Variants in HDAC9 observed in about 807,000 individuals in gnomAD.
HDAC9 encodes the protein MEF-2 interacting transcription repressor (MITR) protein.
HDAC9 carries 41 observed loss-of-function variants against 139.4 expected under a neutral mutation model. The observed-to-expected ratio is 0.29, with a 90% CI of 0.23 to 0.38. The LOEUF is 0.38. HDAC9 is among the 10% of genes least tolerant of loss of function. The pLI is 1.00. For missense variants in HDAC9, 1,147 were observed against 1,297.0 expected (o/e 0.88, Z 1.78); for synonymous variants, 517 against 476.2 (o/e 1.09, Z -1.12).
chr7:18,122,947 GT>G lies in HDAC9; in HGVS notation c.-97+35741del, dbSNP rs1375373109. Among the ~76,000 whole-genome samples the G allele has an allele frequency of 7.2e-5, 11 of 152,116 alleles. No individual in the cohort carries two copies. The East Asian group carries it at 1.7e-3, about 24-fold the overall frequency. On this transcript the variant is annotated intron_variant, in intron 1 of 12. Transcript: ENST00000417496. ...ATTACATACAAAGATTTCTGCTAGG[GT>G]TTTTTTCTTTATTTGAGGGCAAATA...
chr7:18,190,284 T>G (rs1333606907), intron 2 of HDAC9, among the ~76,000 whole-genome samples: 2 of 152,166 alleles, frequency 1.3e-5, no homozygotes, highest in African/African-American at 4.8e-5. Context: ...TGTCCAATTT[T>G]GGGCATGTAT....
At chr7:18,673,408 T>A (rs1795776644) in intron 12 of HDAC9, among the ~76,000 whole-genome samples, 1 of 152,030 alleles carries the variant, frequency 6.6e-6, no homozygotes, top group Non-Finnish European at 1.5e-5. Flanking sequence ...CTATTGAACG[T>A]TTAAATGTGG....
At chr7:18,462,564 C>T (rs1412657516) in intron 1 of HDAC9, among the ~76,000 whole-genome samples, 1 of 151,980 alleles carries the variant, frequency 6.6e-6, no homozygotes, top group Non-Finnish European at 1.5e-5. Context: ...TAATCTCTAT[C>T]TTGATTTCTA....
At chr7:18,206,585 C>T (rs1363512993) in intron 2 of HDAC9, among the ~76,000 whole-genome samples, 1 of 152,030 alleles carries the variant, frequency 6.6e-6, no homozygotes, top group Non-Finnish European at 1.5e-5. Context: ...TGAATATTCC[C>T]AGAGAAATTC....
At chr7:18,460,084 T>G (rs754228386) in intron 1 of HDAC9, among the ~76,000 whole-genome samples, 38 of 151,944 alleles carry the variant, frequency 2.5e-4, no homozygotes, top group Non-Finnish European at 5.0e-4. Context: ...CACGCACCAC[T>G]GATCTTTTTG....
At chr7:18,304,607 G>A (rs1382034309) in intron 1 of HDAC9, among the ~76,000 whole-genome samples, 1 of 151,968 alleles carries the variant, frequency 6.6e-6, no homozygotes, top group African/African-American at 2.4e-5. Context: ...AAAAAAGTAG[G>A]TTCTCTTTGA....
At position 18,599,592 on chromosome 7, in the gene HDAC9, C is replaced by A. The variant is rs537456718; in HGVS notation, c.664+5563C>A. Among the ~76,000 whole-genome samples, 5 of 152,308 alleles carry A rather than the reference C, an allele frequency of 3.3e-5. No individual in the cohort carries two copies. In the South Asian group the frequency reaches 1.0e-3, roughly 32 times the overall value. ...CTGGCTTCTTGTATTTGGCAGTATG[C>A]ATTTAAGATTCTTCCATGTATTTTG... On this transcript the variant is annotated intron_variant, in intron 6 of 25. Transcript: ENST00000686413.
chr7:18,567,027 G>T (rs1266188427), intron 2 of HDAC9, among the ~76,000 whole-genome samples: 3 of 152,132 alleles, frequency 2.0e-5, no homozygotes, highest in Non-Finnish European at 4.4e-5. Context: ...CTAAAGATGA[G>T]TTTTTCTTAG....
At chr7:18,818,498 T>TAGA in intron 17 of HDAC9, among the ~76,000 whole-genome samples, 1 of 152,204 alleles carries the variant, frequency 6.6e-6, no homozygotes, top group Non-Finnish European at 1.5e-5. Flanking sequence ...TCTTGTCAGT[T>TAGA]TATAAATGTC....
intron 13 of HDAC9, among the ~76,000 whole-genome samples, chr7:18,739,986 C>A (rs1787296925): frequency 2.0e-5 from 3 of 152,224 alleles, no homozygotes; most frequent in African/African-American, 7.2e-5. Flanking sequence ...GCAGACACCC[C>A]TTCCCCAGCC....
At chr7:18,190,541 A>G (rs1790270509) in intron 2 of HDAC9, among the ~76,000 whole-genome samples, 1 of 152,210 alleles carries the variant, frequency 6.6e-6, no homozygotes, top group Admixed American at 6.5e-5. Flanking sequence ...GCTTATAAAA[A>G]GACCACCCAA....
At chr7:18,544,580 A>G (rs559704379) in intron 2 of HDAC9, among the ~76,000 whole-genome samples, 47 of 152,206 alleles carry the variant, frequency 3.1e-4, no homozygotes, top group Non-Finnish European at 5.9e-4. Flanking sequence ...GTCTGTGAAG[A>G]TACAAGTTCT....
intron 21 of HDAC9, among the ~76,000 whole-genome samples, chr7:18,869,179 TG>T (rs1798723903): frequency 1.3e-5 from 2 of 151,300 alleles, no homozygotes; most frequent in Admixed American, 6.6e-5. Flanking sequence ...TGTGTGTGTG[TG>T]TGTGTGTTGC....
At chr7:18,470,452 A>G (rs886349689) in intron 1 of HDAC9, among the ~76,000 whole-genome samples, 7 of 152,120 alleles carry the variant, frequency 4.6e-5, no homozygotes, top group African/African-American at 1.7e-4. Context: ...TTTTGATGGT[A>G]TTAAAATAAA....
chr7:18,901,593 C>A lies in HDAC9; in HGVS notation c.2803+26997C>A, dbSNP rs1011990131. On this transcript the variant is annotated intron_variant, in intron 22 of 25. Transcript: ENST00000686413. ...AATCTCTATGATTATGGAGAGTGAC[C>A]AAATTAACCACATAATTGCTAGACT... is the stretch of plus-strand genomic sequence containing the variant. Among the ~76,000 whole-genome samples the A allele has an allele frequency of 1.2e-3, 177 of 152,174 alleles. 2 individuals carry two copies. Among genetic ancestry groups the A allele is most frequent in the South Asian group, 6.2e-4 (3 of 4,814 alleles).
intron 2 of HDAC9, among the ~76,000 whole-genome samples, chr7:18,206,087 T>C (rs1791490880): frequency 6.6e-6 from 1 of 152,154 alleles, no homozygotes. Flanking sequence ...ATGAAAAATT[T>C]GTGTGCCATG....
At chr7:18,786,595 T>TTCCTTCCTTCCTTCCTTTCG (rs1791783198) in intron 16 of HDAC9, among the ~76,000 whole-genome samples, 1 of 78,716 alleles carries the variant, frequency 1.3e-5, no homozygotes, top group African/African-American at 5.3e-5. Flanking sequence ...GCTTCCTTCC[T>TTCCTTCCTTCCTTCCTTTCG]TCCTTCCTTC....
At chr7:18,251,828 C>T (rs761846652) in intron 2 of HDAC9, among the ~76,000 whole-genome samples, 7 of 152,132 alleles carry the variant, frequency 4.6e-5, no homozygotes, top group Non-Finnish European at 2.9e-5. Context: ...ATGTGGCTTA[C>T]ATATTTCCCA....
chr7:18,792,757 G>A (rs1478115347), intron 16 of HDAC9, among the ~76,000 whole-genome samples: 3 of 152,158 alleles, frequency 2.0e-5, no homozygotes, highest in Non-Finnish European at 4.4e-5. Context: ...GCAATTTGCT[G>A]TTATTGTTTT....
Sources: allele counts gnomAD v4.1 joint callset (sites outside exome capture counted in the v4.1 genomes callset), GRCh38; gene constraint gnomAD v4.1.1; transcripts MANE v1.5; gene names NCBI Gene and HGNC (gene_info 2026-07-23, HGNC 2026-07-21).